The following ADGRL3 variants were observed in gnomAD, a reference collection of about 807,000 sequenced individuals.
ADGRL3 encodes adhesion G protein-coupled receptor L3.
ADGRL3 carries 62 observed loss-of-function variants against 153.5 expected under a neutral mutation model. The ratio of observed to expected loss-of-function variants is 0.40; its 90% confidence interval spans 0.33 to 0.50. The LOEUF (loss-of-function observed/expected upper bound fraction) is 0.50. Ranked by LOEUF, ADGRL3 falls within the 20% of genes least tolerant of loss-of-function variation. ADGRL3 has a pLI of 0.47. For synonymous variants in ADGRL3, 710 were observed against 672.5 expected, an observed-to-expected ratio of 1.06 and a Z score of -0.86; for missense variants, 1,641 against 1,859.4, an observed-to-expected ratio of 0.88 and a Z score of 2.16.
At chr4:61,859,128 T>C (rs1046391120) in intron 9 of ADGRL3, among the ~76,000 whole-genome samples, 4 of 152,206 alleles carry the variant, frequency 2.6e-5, no homozygotes, top group African/African-American at 9.6e-5. Flanking sequence ...CAGCCTTCTT[T>C]GTATTTTTCA....
At position 61,662,637 on chromosome 4, in the gene ADGRL3, G is replaced by A. The variant is rs183484909; in HGVS notation, c.474-14189G>A. On this transcript the variant is annotated intron_variant, in intron 5 of 26. Coordinates refer to ENST00000683033, the MANE Select transcript of ADGRL3 (RefSeq NM_001387552.1). Reference sequence around the variant, plus strand: ...GCACCATGGATGGCAGGTTAATGGCGGCAGGAGGCCGACAGACTTCTGGGT... The same window carrying A: ...GCACCATGGATGGCAGGTTAATGGCAGCAGGAGGCCGACAGACTTCTGGGT... 8.9e-4 allele frequency among the ~76,000 whole-genome samples: 135 copies of A among 152,302 alleles called. 2 individuals carry two copies. Among genetic ancestry groups the A allele is most frequent in the African/African-American group, 3.1e-3 (129 of 41,564 alleles).
At chr4:61,774,590 C>T (rs1179504410) in intron 8 of ADGRL3, among the ~76,000 whole-genome samples, 1 of 151,886 alleles carries the variant, frequency 6.6e-6, no homozygotes, top group Non-Finnish European at 1.5e-5. Flanking sequence ...GGGACTTAAG[C>T]ATCCACAGAA....
chr4:61,664,501 A>G (rs1018013030), intron 5 of ADGRL3, among the ~76,000 whole-genome samples: 3 of 152,192 alleles, frequency 2.0e-5, no homozygotes, highest in African/African-American at 4.8e-5. Flanking sequence ...CTACCTTTAT[A>G]CATGCATACA....
At chr4:61,219,217 G>A (rs1412181335) in intron 1 of ADGRL3, among the ~76,000 whole-genome samples, 5 of 152,064 alleles carry the variant, frequency 3.3e-5, no homozygotes, top group Admixed American at 3.3e-4. Flanking sequence ...TAAATGAGAT[G>A]GTGATCATTG....
intron 21 of ADGRL3, among the ~76,000 whole-genome samples, chr4:62,007,425 C>CAT (rs373551662): frequency 0.26 from 25,586 of 99,298 alleles, 3,936 homozygotes; most frequent in South Asian, 0.47. Context: ...TATATATACA[C>CAT]ATATATATAT....
intron 1 of ADGRL3, among the ~76,000 whole-genome samples, chr4:61,235,188 A>G (rs994911890): frequency 6.6e-6 from 1 of 152,082 alleles, no homozygotes; most frequent in South Asian, 2.1e-4. Context: ...CAGCCTCCCA[A>G]TCCTCACTGC....
chr4:61,662,096 C>A (rs1204699954), intron 5 of ADGRL3, among the ~76,000 whole-genome samples: 1 of 152,228 alleles, frequency 6.6e-6, no homozygotes, highest in East Asian at 1.9e-4. Context: ...CTGTGCTCCA[C>A]AGAGCTGGCA....
chr4:61,482,670 C>G (rs2098143366), intron 2 of ADGRL3, among the ~76,000 whole-genome samples: 1 of 152,018 alleles, frequency 6.6e-6, no homozygotes, highest in Non-Finnish European at 1.5e-5. Flanking sequence ...GTGGTGGTAT[C>G]TTTAAATAAA....
At chr4:61,860,496 C>A (rs2098329335) in intron 9 of ADGRL3, among the ~76,000 whole-genome samples, 2 of 151,900 alleles carry the variant, frequency 1.3e-5, no homozygotes, top group Admixed American at 6.6e-5. Flanking sequence ...CCAACTAATC[C>A]TTTTATCTCT....
chr4:61,546,838 G>T (rs902709888), intron 4 of ADGRL3, among the ~76,000 whole-genome samples: 1 of 152,128 alleles, frequency 6.6e-6, no homozygotes, highest in Non-Finnish European at 1.5e-5. Flanking sequence ...CTTGTGCCAT[G>T]AAGCAAAAAA....
intron 1 of ADGRL3, among the ~76,000 whole-genome samples, chr4:61,299,203 G>A (rs1463873826): frequency 2.0e-5 from 3 of 151,550 alleles, no homozygotes; most frequent in Non-Finnish European, 2.9e-5. Flanking sequence ...CAGTGGCATC[G>A]TTCAGAACAT....
intron 6 of ADGRL3, among the ~76,000 whole-genome samples, chr4:61,717,196 A>ATG (rs780528173): frequency 0.028 from 3,039 of 106,922 alleles, 37 homozygotes; most frequent in African/African-American, 0.064. Flanking sequence ...CACATAGTTT[A>ATG]TGTGTGTGTG....
intron 1 of ADGRL3, among the ~76,000 whole-genome samples, chr4:61,353,630 G>A (rs2096099905): frequency 1.0e-5 from 1 of 100,344 alleles, no homozygotes; most frequent in Non-Finnish European, 1.9e-5. Flanking sequence ...TTGTAGAAAC[G>A]AGGTCTCACT....
chr4:61,315,378 A>T (rs2095170514), intron 1 of ADGRL3, among the ~76,000 whole-genome samples: 1 of 152,170 alleles, frequency 6.6e-6, no homozygotes, highest in South Asian at 2.1e-4. Flanking sequence ...GGTCCTGTCG[A>T]ACTGCTTATA....
At chr4:61,401,645 G>C (rs1170860751) in intron 2 of ADGRL3, among the ~76,000 whole-genome samples, 1 of 151,860 alleles carries the variant, frequency 6.6e-6, no homozygotes, top group Admixed American at 6.6e-5. Context: ...TGGTCTAGTG[G>C]TATTTTTGTC....
At chr4:61,680,405 CGTGTGTGTGTGTGTGTGTGTGT>C (rs3075156) in intron 6 of ADGRL3, among the ~76,000 whole-genome samples, 12 of 144,126 alleles carry the variant, frequency 8.3e-5, no homozygotes, top group South Asian at 4.5e-4. Context: ...TATACATACT[CGTGTGTGTGTGTGTGTGTGTGT>C]GTGTGTGTGT....
intron 2 of ADGRL3, among the ~76,000 whole-genome samples, chr4:61,392,023 C>G (rs1313037827): frequency 1.0e-5 from 1 of 100,052 alleles, no homozygotes; most frequent in African/African-American, 3.3e-5. Context: ...CCACGACCGG[C>G]TAATTTTTTT....
chr4:61,753,896 A>T (rs113647349), intron 8 of ADGRL3, among the ~76,000 whole-genome samples: 1,534 of 152,264 alleles, frequency 0.01, 44 homozygotes, highest in African/African-American at 0.035. Flanking sequence ...TTAGACTTTT[A>T]AAAGCGCCTG....
At chr4:61,333,685 C>A (rs1249789951) in intron 1 of ADGRL3, among the ~76,000 whole-genome samples, 1 of 152,080 alleles carries the variant, frequency 6.6e-6, no homozygotes, top group East Asian at 1.9e-4. Flanking sequence ...CAGCCTTGAG[C>A]TCCTGGCCTC....
Sources: allele counts gnomAD v4.1 joint callset (sites outside exome capture counted in the v4.1 genomes callset), GRCh38; gene constraint gnomAD v4.1.1; transcripts MANE v1.5; gene names NCBI Gene and HGNC (gene_info 2026-07-23, HGNC 2026-07-21).